LHFPL3: variants seen among roughly 807,000 people sequenced by gnomAD.
LHFPL3 encodes the protein LHFPL tetraspan subfamily member 3 protein.
In LHFPL3, 5 loss-of-function variants were observed where a neutral mutation model predicts 19.3. That is an observed-to-expected ratio of 0.26 (90% CI 0.14 to 0.54). The LOEUF is 0.54. Among genes scored for constraint, LHFPL3 ranks in the 20% least tolerant of loss-of-function variants. LHFPL3 has a pLI of 0.94. For synonymous variants in LHFPL3, 133 were observed against 126.2 expected (o/e 1.05, Z -0.36); for missense variants, 249 against 307.4 (o/e 0.81, Z 1.42).
intron 1 of LHFPL3, among the ~76,000 whole-genome samples, chr7:104,568,022 G>A (rs1185611676): frequency 4.6e-5 from 7 of 152,146 alleles, no homozygotes; most frequent in Non-Finnish European, 8.8e-5. Context: ...TGTCAGAGCT[G>A]GAAGGAGCTC....
chr7:104,413,837 G>A (rs532846631), intron 1 of LHFPL3, among the ~76,000 whole-genome samples: 8 of 152,214 alleles, frequency 5.3e-5, no homozygotes, highest in Admixed American at 2.0e-4. Flanking sequence ...CCCATAAGGC[G>A]AAGCTTCTTA....
intron 2 of LHFPL3, among the ~76,000 whole-genome samples, chr7:104,737,776 G>A (rs779886994): frequency 6.6e-6 from 1 of 152,074 alleles, no homozygotes; most frequent in Admixed American, 6.6e-5. Context: ...ACCTTTAGCT[G>A]AGTGGCTCCT....
chr7:104,597,447 G>A (rs1790885344), intron 1 of LHFPL3, among the ~76,000 whole-genome samples: 1 of 152,118 alleles, frequency 6.6e-6, no homozygotes, highest in Non-Finnish European at 1.5e-5. Context: ...CTAGTTTGCA[G>A]GCTGCTGATA....
At chr7:104,812,418 A>G (rs554884941) in intron 2 of LHFPL3, among the ~76,000 whole-genome samples, 1 of 152,340 alleles carries the variant, frequency 6.6e-6, no homozygotes, top group East Asian at 1.9e-4. Context: ...ACAATGTACA[A>G]TGCTGAGTGA....
At chr7:104,595,755 A>C (rs778665639) in intron 1 of LHFPL3, among the ~76,000 whole-genome samples, 21 of 152,332 alleles carry the variant, frequency 1.4e-4, no homozygotes, top group Admixed American at 3.3e-4. Flanking sequence ...TACCTACTCA[A>C]GCCTCAGCAA....
chr7:104,599,157 C>G (rs1047333735), intron 1 of LHFPL3, among the ~76,000 whole-genome samples: 3 of 152,146 alleles, frequency 2.0e-5, no homozygotes, highest in African/African-American at 7.2e-5. Context: ...TACTCTGGCT[C>G]ACATCTGAAT....
chr7:104,894,442 A>G (rs1447496620), intron 2 of LHFPL3, among the ~76,000 whole-genome samples: 1 of 152,202 alleles, frequency 6.6e-6, no homozygotes, highest in African/African-American at 2.4e-5. Context: ...TACCAGGGAC[A>G]TCATTTAACT....
chr7:104,687,756 T>C (rs960261851), intron 1 of LHFPL3, among the ~76,000 whole-genome samples: 1 of 152,222 alleles, frequency 6.6e-6, no homozygotes, highest in African/African-American at 2.4e-5. Flanking sequence ...CCAGTATTGA[T>C]AGGAAACTCA....
intron 2 of LHFPL3, among the ~76,000 whole-genome samples, chr7:104,816,738 G>A (rs894375657): frequency 2.0e-5 from 3 of 152,178 alleles, no homozygotes; most frequent in African/African-American, 7.2e-5. Flanking sequence ...GCCACTCAAC[G>A]TGGCAAAGAG....
chr7:104,559,391 T>C (rs1789934898), intron 1 of LHFPL3, among the ~76,000 whole-genome samples: 1 of 150,506 alleles, frequency 6.6e-6, no homozygotes, highest in Admixed American at 6.6e-5. Context: ...GAAGAGGTCC[T>C]TCACATCCCT....
chr7:104,603,862 C>A (rs1791034395), intron 1 of LHFPL3, among the ~76,000 whole-genome samples: 1 of 152,216 alleles, frequency 6.6e-6, no homozygotes, highest in Non-Finnish European at 1.5e-5. Context: ...GGGGGTTGAG[C>A]CACCCCAAGG....
At chr7:104,858,442 A>C (rs1791550857) in intron 2 of LHFPL3, among the ~76,000 whole-genome samples, 1 of 152,134 alleles carries the variant, frequency 6.6e-6, no homozygotes, top group South Asian at 2.1e-4. Flanking sequence ...GACCCCAAAC[A>C]TGGTGATGTA....
chr7:104,800,482 C>G (rs115955673), intron 2 of LHFPL3, among the ~76,000 whole-genome samples: 113 of 152,294 alleles, frequency 7.4e-4, no homozygotes, highest in African/African-American at 2.6e-3. Context: ...TTAAACTTAT[C>G]CATTCCCATT....
At chr7:104,712,616 G>A (rs563281033) in intron 1 of LHFPL3, among the ~76,000 whole-genome samples, 14 of 152,296 alleles carry the variant, frequency 9.2e-5, no homozygotes, top group Admixed American at 8.5e-4. Flanking sequence ...GCCAAAGAAT[G>A]CAGGCAGCCT....
chr7:104,629,286 A>G (rs1255151383), intron 1 of LHFPL3, among the ~76,000 whole-genome samples: 1 of 152,126 alleles, frequency 6.6e-6, no homozygotes, highest in African/African-American at 2.4e-5. Flanking sequence ...GGGGATAAAG[A>G]TGGACGGGGG....
intron 1 of LHFPL3, among the ~76,000 whole-genome samples, chr7:104,335,326 C>T (rs1789778675): frequency 6.6e-6 from 1 of 152,156 alleles, no homozygotes; most frequent in African/African-American, 2.4e-5. Flanking sequence ...GGAAAGGATA[C>T]CTACAGCCAG....
chr7:104,792,599 T>A (rs766328508), intron 2 of LHFPL3, among the ~76,000 whole-genome samples: 1 of 152,180 alleles, frequency 6.6e-6, no homozygotes, highest in East Asian at 1.9e-4. Context: ...TTTGTTCCTG[T>A]ACCTTGTTTT....
At chr7:104,334,644 T>A (rs999250344) in intron 1 of LHFPL3, among the ~76,000 whole-genome samples, 1 of 152,236 alleles carries the variant, frequency 6.6e-6, no homozygotes, top group Non-Finnish European at 1.5e-5. Context: ...GCGTCACTAG[T>A]AGTGACCACA....
chr7:104,693,267 C>T (rs1792938270), intron 1 of LHFPL3, among the ~76,000 whole-genome samples: 1 of 152,110 alleles, frequency 6.6e-6, no homozygotes, highest in Non-Finnish European at 1.5e-5. Context: ...CTTGCCTGGT[C>T]CCAGATGAGA....
Sources: allele counts gnomAD v4.1 joint callset (sites outside exome capture counted in the v4.1 genomes callset), GRCh38; gene constraint gnomAD v4.1.1; transcripts MANE v1.5; gene names NCBI Gene and HGNC (gene_info 2026-07-23, HGNC 2026-07-21).